Variants in JCAD observed in about 807,000 individuals in gnomAD.
The protein encoded by JCAD is junctional cadherin 5-associated protein.
JCAD carries 40 observed loss-of-function variants against 98.0 expected under a neutral mutation model. That is an observed-to-expected ratio of 0.41 (90% CI 0.32 to 0.53). JCAD has a LOEUF of 0.53. Ranked by LOEUF, JCAD falls within the 20% of genes least tolerant of loss-of-function variation. The pLI is 0.31. For synonymous variants in JCAD, 691 were observed against 682.3 expected (o/e 1.01, Z -0.20); for missense variants, 1,705 against 1,738.1 (o/e 0.98, Z 0.34).
chr10:30,056,986 TGA>T (rs1437592104), intron 1 of JCAD, among the ~76,000 whole-genome samples: 2 of 152,190 alleles, frequency 1.3e-5, no homozygotes, highest in East Asian at 1.9e-4. Context: ...AAGGTTTTAA[TGA>T]GAGAGATAAC....
At chr10:30,042,742 T>C (rs1475068929) in intron 2 of JCAD, among the ~76,000 whole-genome samples, 1 of 152,206 alleles carries the variant, frequency 6.6e-6, no homozygotes, top group African/African-American at 2.4e-5. Context: ...CCATTTCCTA[T>C]GAATGGTCCG....
At chr10:30,081,566 G>A (rs941561033) in intron 1 of JCAD, among the ~76,000 whole-genome samples, 3 of 152,064 alleles carry the variant, frequency 2.0e-5, no homozygotes, top group Admixed American at 1.3e-4. Flanking sequence ...TGAGTAGCTG[G>A]GTCTACAGGC....
chr10:30,058,756 A>G (rs946830040), intron 1 of JCAD, among the ~76,000 whole-genome samples: 22 of 152,138 alleles, frequency 1.4e-4, no homozygotes, highest in Admixed American at 2.6e-4. Context: ...TCCAGATCCC[A>G]TAAATGAGAT....
At chr10:30,106,862 A>G (rs1298616914) in intron 1 of JCAD, among the ~76,000 whole-genome samples, 1 of 152,136 alleles carries the variant, frequency 6.6e-6, no homozygotes, top group African/African-American at 2.4e-5. Flanking sequence ...TGATTTCTCA[A>G]TTATTATCCT....
chr10:30,083,899 C>G (rs926028642), intron 1 of JCAD, among the ~76,000 whole-genome samples: 1 of 151,966 alleles, frequency 6.6e-6, no homozygotes, highest in Non-Finnish European at 1.5e-5. Flanking sequence ...GTGGTACACA[C>G]CTCTAGTCCC....
intron 1 of JCAD, among the ~76,000 whole-genome samples, chr10:30,105,498 AT>A (rs996439326): frequency 6.6e-6 from 1 of 151,182 alleles, no homozygotes; most frequent in Admixed American, 6.6e-5. Flanking sequence ...TAATTTTTGT[AT>A]TTTTAGTAGA....
chr10:30,033,879 C>T (rs990373956), intron 2 of JCAD, among the ~76,000 whole-genome samples: 6 of 152,182 alleles, frequency 3.9e-5, no homozygotes, highest in African/African-American at 1.4e-4. Flanking sequence ...TGCTACTATT[C>T]TTATTTTGGA....
intron 1 of JCAD, among the ~76,000 whole-genome samples, chr10:30,076,132 T>G (rs1321760548): frequency 6.6e-6 from 1 of 152,060 alleles, no homozygotes; most frequent in Non-Finnish European, 1.5e-5. Flanking sequence ...CAAGCGATTC[T>G]CCTGCCTCAG....
chr10:30,063,169 G>A (rs907324441), upstream of JCAD, among the ~76,000 whole-genome samples: 6 of 144,492 alleles, frequency 4.2e-5, no homozygotes, highest in Admixed American at 6.9e-5. Context: ...AAAAAAACTC[G>A]CTTATGTGAT....
chr10:30,086,622 G>A (rs567204199), intron 1 of JCAD, among the ~76,000 whole-genome samples: 1 of 152,284 alleles, frequency 6.6e-6, no homozygotes, highest in South Asian at 2.1e-4. Flanking sequence ...GTTGTTCAAT[G>A]CTTTGTTCCA....
At chr10:30,030,032 G>A (rs753053783) in intron 2 of JCAD, among the ~76,000 whole-genome samples, 166 bp from the exon 3 acceptor site, 2 of 152,220 alleles carry the variant, frequency 1.3e-5, no homozygotes, top group Non-Finnish European at 2.9e-5. Context: ...ATTATGGTTG[G>A]AAGACAGCCA....
chr10:30,018,017 C>T (rs1298998544), intron 3 of JCAD, 100 bp from the exon 4 acceptor site: 4 of 869,300 alleles, frequency 4.6e-6, no homozygotes, highest in Non-Finnish European at 7.3e-6. Flanking sequence ...ACAAAATCTA[C>T]AAGTGTATAA....
chr10:30,103,146 T>A (rs1481611701), intron 1 of JCAD, among the ~76,000 whole-genome samples: 1 of 152,222 alleles, frequency 6.6e-6, no homozygotes, highest in African/African-American at 2.4e-5. Flanking sequence ...TCGCCTTTTT[T>A]AATGCTGGGT....
intron 2 of JCAD, among the ~76,000 whole-genome samples, chr10:30,068,969 A>G (rs190000306): frequency 1.2e-4 from 19 of 152,280 alleles, no homozygotes; most frequent in African/African-American, 4.6e-4. Context: ...TGCTTACCCC[A>G]GGCTTTGCAT....
rs777406269 is a variant in JCAD, at chr10:30,029,218, G to A, written c.930C>T (p.Ser310=). ...SHQQSRGGAD[S]SDSQDSQQMD... ...TCTGCTGGCTGTCCTGAGAGTCACTGCTGTCCGCTCCTCCCCTAGACTGCT... is the reference window on the plus strand; with the variant it reads ...TCTGCTGGCTGTCCTGAGAGTCACTACTGTCCGCTCCTCCCCTAGACTGCT... Residue 310 remains serine, a synonymous_variant, in exon 3 of 4, where the codon AGC becomes AGT. Transcript: ENST00000375377. 1.9e-6 allele frequency: 3 copies of A among 1,614,190 alleles called. No individual in the cohort carries two copies. Among genetic ancestry groups the A allele is most frequent in the Non-Finnish European group, 2.5e-6 (3 of 1,180,038 alleles).
At position 30,026,645 on chromosome 10, in the gene JCAD, C is replaced by T. The variant is rs375150207; in HGVS notation, c.3503G>A (p.Arg1168Gln). The T allele has an allele frequency of 2.4e-5, 39 of 1,613,092 alleles. No individual in the cohort carries two copies. In the African/African-American group the frequency reaches 3.2e-4, roughly 13 times the overall value. The change falls in exon 3 of 4, where the codon CGG becomes CAG. Residue 1168 changes from arginine (R) to glutamine (Q), a missense_variant. Arg to Gln is a conservative substitution (Grantham distance 43). Around this residue, in one of 3 missense-constraint regions of JCAD, gnomAD observed 1,278 missense variants for 1,243.1 expected, o/e 1.03. Transcript: ENST00000375377. ...LFVGDRDSAR[R>Q]APQAFEHSDV... ...TGAGTGCTCAAAAGCCTGAGGAGCCCGCCTGGCACTGTCCCTGTCCCCTAC... is the reference window on the plus strand; with the variant it reads ...TGAGTGCTCAAAAGCCTGAGGAGCCTGCCTGGCACTGTCCCTGTCCCCTAC...
chr10:30,049,985 G>A (rs774924384), intron 1 of JCAD, among the ~76,000 whole-genome samples: 2 of 152,110 alleles, frequency 1.3e-5, no homozygotes, highest in African/African-American at 2.4e-5. Context: ...AGGGGAACTG[G>A]CATTTAAAAT....
chr10:30,055,494 G>A (rs547617335), intron 1 of JCAD, among the ~76,000 whole-genome samples: 1 of 152,236 alleles, frequency 6.6e-6, no homozygotes, highest in African/African-American at 2.4e-5. Context: ...ATTTTACTAT[G>A]AACAATAGAA....
At chr10:30,041,690 C>CA (rs879502274) in intron 2 of JCAD, among the ~76,000 whole-genome samples, 90 of 152,072 alleles carry the variant, frequency 5.9e-4, no homozygotes, top group Non-Finnish European at 1.1e-3. Flanking sequence ...GGGTAACTAA[C>CA]AAAAAAATCT....
Sources: gnomAD v4.1 joint callset for allele counts (sites outside exome capture counted in the v4.1 genomes callset) on GRCh38, gnomAD v4.1.1 for gene constraint, gnomAD v4.1.1 regional missense constraint, MANE v1.5 for transcripts, NCBI Gene and HGNC (gene_info 2026-07-23, HGNC 2026-07-21) for gene names.